Variants in AFAP1L1 observed in about 807,000 individuals in gnomAD.
AFAP1L1 encodes actin filament-associated protein 1-like 1.
Under a neutral mutation model 99.8 loss-of-function variants are expected in AFAP1L1, and 77 were observed. The observed-to-expected ratio is 0.77, with a 90% CI of 0.64 to 0.93. The LOEUF is 0.93. AFAP1L1 is among the 40% of genes least tolerant of loss of function. The pLI, the probability that AFAP1L1 is intolerant of heterozygous loss-of-function variation, is 0.00. For missense variants in AFAP1L1, 893 were observed against 996.8 expected (o/e 0.90, Z 1.40); for synonymous variants, 373 against 395.3 (o/e 0.94, Z 0.67).
At chr5:149,314,319 C>G (rs1756731856) in intron 9 of AFAP1L1, among the ~76,000 whole-genome samples, 1 of 152,126 alleles carries the variant, frequency 6.6e-6, no homozygotes, top group Admixed American at 6.5e-5. Flanking sequence ...CCAGCACATG[C>G]TGAGGTGCAG....
chr5:149,331,777 G>C (rs746857929), intron 16 of AFAP1L1, among the ~76,000 whole-genome samples: 5 of 152,160 alleles, frequency 3.3e-5, no homozygotes, highest in Non-Finnish European at 5.9e-5. Flanking sequence ...GCGATCTGGT[G>C]TAGTGGGGTC....
intron 7 of AFAP1L1, among the ~76,000 whole-genome samples, chr5:149,309,183 C>T (rs1302710344): frequency 6.6e-6 from 1 of 152,076 alleles, no homozygotes; most frequent in Non-Finnish European, 1.5e-5. Flanking sequence ...TGAAAATGTT[C>T]CTTATTATTA....
intron 9 of AFAP1L1, among the ~76,000 whole-genome samples, chr5:149,314,044 G>A (rs1035107503): frequency 6.6e-6 from 1 of 152,338 alleles, no homozygotes; most frequent in Non-Finnish European, 1.5e-5. Flanking sequence ...CAAGAAGGAT[G>A]AGGGAAGACG....
At chr5:149,313,337 T>C (rs981917593) in intron 9 of AFAP1L1, among the ~76,000 whole-genome samples, 1 of 151,870 alleles carries the variant, frequency 6.6e-6, no homozygotes, top group Non-Finnish European at 1.5e-5. Flanking sequence ...CCTTGCACGA[T>C]GTAATCGAGG....
intron 8 of AFAP1L1, 103 bp from the exon 9 acceptor site, chr5:149,312,009 C>A: frequency 9.6e-7 from 1 of 1,044,756 alleles, no homozygotes; most frequent in Non-Finnish European, 1.4e-6. Flanking sequence ...CCCACAGTGG[C>A]CCTGACCCTC....
At chr5:149,286,968 A>G (rs1243397752) in intron 1 of AFAP1L1, among the ~76,000 whole-genome samples, 1 of 152,178 alleles carries the variant, frequency 6.6e-6, no homozygotes. Flanking sequence ...CCTGGCTCCT[A>G]TGGCCTCTGG....
chr5:149,290,140 G>A (rs1362106898), intron 1 of AFAP1L1, among the ~76,000 whole-genome samples: 2 of 152,210 alleles, frequency 1.3e-5, no homozygotes, highest in African/African-American at 4.8e-5. Context: ...GGCTGAGGCA[G>A]GAGAATTGCT....
Position 149,320,886 on chromosome 5 carries a change from G to A in AFAP1L1, c.1698+423G>A, listed in dbSNP as rs981027483. On this transcript the variant is annotated intron_variant, in intron 14 of 18. Transcript: ENST00000296721. The surrounding 1 kb of genome is among the most constrained non-coding windows in gnomAD (Gnocchi z 4.0). ...GTGATCTGGGAGCTTCAGCTCCCAG[G>A]CCAGTCTCCATGTTTTGCTTGCTAA... Among the ~76,000 whole-genome samples, 2 of 152,214 alleles carry A rather than the reference G, an allele frequency of 1.3e-5. No homozygotes were observed. Among genetic ancestry groups the A allele is most frequent in the African/African-American group, 4.8e-5 (2 of 41,452 alleles).
In AFAP1L1 at chr5:149,329,828, C is replaced by A; in HGVS notation, c.1973C>A (p.Pro658Gln). 1.2e-6 allele frequency: 2 copies of A among 1,607,430 alleles called. No homozygotes were observed. The highest frequency in any genetic ancestry group is 8.5e-7 in the Non-Finnish European group (1 of 1,176,936). Residue 658 changes from proline to glutamine, a missense_variant and splice_region_variant, in exon 16 of 19, where the codon CCA becomes CAA. Pro to Gln is a moderately conservative substitution (Grantham distance 76, BLOSUM62 -1). Coordinates refer to ENST00000296721, the MANE Select transcript of AFAP1L1 (RefSeq NM_152406.4). ...RELKEAIRSS[P>Q]GAKLKALEEA... ...CTGAAGGAAGCCATTCGGAGCAGCCCAGGTACCTATGTGGGTGTGGTCCTG... is the reference window on the plus strand; with the variant it reads ...CTGAAGGAAGCCATTCGGAGCAGCCAAGGTACCTATGTGGGTGTGGTCCTG...
At position 149,317,904 on chromosome 5, in the gene AFAP1L1, G is replaced by T. The variant is rs150788803; in HGVS notation, c.1443G>T (p.Arg481Ser). 1 of 1,589,608 alleles carries T rather than the reference G, an allele frequency of 6.3e-7. No individual in the cohort carries two copies. The highest frequency in any genetic ancestry group is 1.3e-5 in the African/African-American group (1 of 74,510). ...GGCCCCGACACCCATTTGCCTTCAG[G>T]ATCCTGCGCAACCGGCAGGAGGTGG... The part of the protein sequence containing the change: ...GFGPRHPFAF[R>S]ILRNRQEVAI... The change falls in exon 12 of 19, where the codon AGG becomes AGT. Residue 481 changes from arginine to serine, a missense_variant. Physicochemically the swap from Arg to Ser is moderately radical, Grantham distance 110. Transcript: ENST00000296721.
At position 149,300,498 on chromosome 5, in the gene AFAP1L1, G is replaced by T; in HGVS notation, c.229+144G>T. On this transcript the variant is annotated intron_variant, in intron 3 of 18. Coordinates refer to ENST00000296721, the MANE Select transcript of AFAP1L1 (RefSeq NM_152406.4). The stretch of plus-strand genomic sequence containing the variant: ...CCAGTCCTTGGCCCCTCTGGGTTCT[G>T]CCAGCTCTGAAAGTCTAATCAAAGT... The T allele has an allele frequency of 4.6e-6, 3 of 648,260 alleles. No homozygotes were observed. The East Asian group carries it at 8.6e-5, about 19-fold the overall frequency. 40.2% of individuals were successfully genotyped at this position (648,260 alleles called of 1,614,324 possible).
intron 3 of AFAP1L1, 151 bp from the exon 4 acceptor site, chr5:149,300,982 G>C: frequency 1.7e-6 from 1 of 596,708 alleles, no homozygotes; most frequent in Non-Finnish European, 3.0e-6. Flanking sequence ...ATGAGTTTCA[G>C]AGTCAAAAGT....
At chr5:149,302,604 G>GAGA in intron 5 of AFAP1L1, 78 bp downstream of exon 5, 1 of 1,290,648 alleles carries the variant, frequency 7.7e-7, no homozygotes, top group Non-Finnish European at 1.1e-6. Flanking sequence ...TGTGTCCTGT[G>GAGA]GGAGCTGGAA....
At chr5:149,285,395 A>G (rs1394543275) in intron 1 of AFAP1L1, among the ~76,000 whole-genome samples, 1 of 152,214 alleles carries the variant, frequency 6.6e-6, no homozygotes, top group Non-Finnish European at 1.5e-5. Context: ...TGATGCATAC[A>G]GTCTTCATAC....
chr5:149,307,818 T>TTCTCTCTCTGTC (rs557717575), intron 7 of AFAP1L1, among the ~76,000 whole-genome samples: 23 of 100,502 alleles, frequency 2.3e-4, no homozygotes, highest in Non-Finnish European at 3.6e-4. Flanking sequence ...GTGCCTCTCT[T>TTCTCTCTCTGTC]TCTCTCTCTC....
intron 15 of AFAP1L1, among the ~76,000 whole-genome samples, chr5:149,327,067 A>AGG (rs2127602244): frequency 7.3e-6 from 1 of 137,074 alleles, no homozygotes; most frequent in Admixed American, 7.0e-5. Context: ...AAGAAGCAGG[A>AGG]AAATGTGACC....
At chr5:149,291,467 A>G (rs553217317) in intron 1 of AFAP1L1, among the ~76,000 whole-genome samples, 42 of 131,812 alleles carry the variant, frequency 3.2e-4, no homozygotes, top group Non-Finnish European at 5.6e-4. Flanking sequence ...CGGAGGTTGC[A>G]GTGAGCCGAG....
Position 149,315,916 on chromosome 5 carries a change from T to C in AFAP1L1, c.1114+2T>C, listed in dbSNP as rs1487756178. 6.2e-7 allele frequency: 1 copy of C among 1,613,880 alleles called. No homozygotes were observed. On this transcript the variant is annotated splice_donor_variant, in intron 10 of 18. Coordinates refer to ENST00000296721, the MANE Select transcript of AFAP1L1 (RefSeq NM_152406.4). LOFTEE classifies it high-confidence loss of function. The stretch of plus-strand genomic sequence containing the variant: ...GCCGCCGGGAGACCTGTGATCACGG[T>C]AGGAGCCTCTGGGGGCTCAGGCTGG...
At chr5:149,338,838 G>C (rs942516554) in intron 18 of AFAP1L1, among the ~76,000 whole-genome samples, 11 of 152,236 alleles carry the variant, frequency 7.2e-5, no homozygotes, top group Non-Finnish European at 1.5e-5. Flanking sequence ...GCAGGGGGCT[G>C]AGGGAAGGAC....
Sources: gnomAD v4.1 joint callset for allele counts (sites outside exome capture counted in the v4.1 genomes callset) on GRCh38, gnomAD v4.1.1 for gene constraint, Gnocchi (gnomAD v3.1) non-coding constraint, MANE v1.5 for transcripts, NCBI Gene and HGNC (gene_info 2026-07-23, HGNC 2026-07-21) for gene names.